BTRC: variants seen among roughly 807,000 people sequenced by gnomAD.
BTRC encodes the protein beta-transducin repeat containing E3 ubiquitin protein ligase, also known as F-box/WD repeat-containing protein 1A.
Under a neutral mutation model 85.5 loss-of-function variants are expected in BTRC, and 42 were observed. The observed-to-expected ratio is 0.49, with a 90% CI of 0.38 to 0.64. The LOEUF is 0.64. Among genes scored for constraint, BTRC ranks in the 30% least tolerant of loss-of-function variants. The pLI is 0.00. For synonymous variants in BTRC, 255 were observed against 263.3 expected, an observed-to-expected ratio of 0.97 and a Z score of 0.30; for missense variants, 594 against 743.5, an observed-to-expected ratio of 0.80 and a Z score of 2.34.
At chr10:101,433,947 T>G (rs1206604109) in intron 2 of BTRC, among the ~76,000 whole-genome samples, 1 of 151,984 alleles carries the variant, frequency 6.6e-6, no homozygotes, top group Admixed American at 6.6e-5. Context: ...ATATTTGTAA[T>G]AGGAATTAAG....
At chr10:101,507,261 G>A (rs988615479) in intron 4 of BTRC, among the ~76,000 whole-genome samples, 1 of 152,054 alleles carries the variant, frequency 6.6e-6, no homozygotes, top group Non-Finnish European at 1.5e-5. Context: ...ATAAGCTGTC[G>A]GTTGATTTTT....
chr10:101,397,295 C>T (rs1436699605), intron 1 of BTRC, among the ~76,000 whole-genome samples: 1 of 152,142 alleles, frequency 6.6e-6, no homozygotes, highest in Admixed American at 6.5e-5. Flanking sequence ...ATGAAAACAG[C>T]CCAGATAAGC....
At chr10:101,367,460 A>T (rs1942501719) in intron 1 of BTRC, among the ~76,000 whole-genome samples, 2 of 152,282 alleles carry the variant, frequency 1.3e-5, no homozygotes, top group South Asian at 4.1e-4. Flanking sequence ...ATATACAAAT[A>T]GTTACATATT....
chr10:101,549,638 C>T (rs559485045), intron 13 of BTRC, among the ~76,000 whole-genome samples: 3 of 139,168 alleles, frequency 2.2e-5, no homozygotes, highest in Admixed American at 7.9e-5. Flanking sequence ...GGCGTGAACC[C>T]GGGAGGCAGA....
At chr10:101,473,286 A>G (rs1295931768) in intron 3 of BTRC, among the ~76,000 whole-genome samples, 1 of 149,218 alleles carries the variant, frequency 6.7e-6, no homozygotes, top group Admixed American at 6.7e-5. Flanking sequence ...CTCTCCAGTA[A>G]ATTTTTTGAT....
intron 1 of BTRC, among the ~76,000 whole-genome samples, chr10:101,409,647 A>G (rs1430583460): frequency 1.3e-5 from 2 of 152,198 alleles, no homozygotes. Context: ...TTGTTACACA[A>G]TAGGGAGTAT....
intron 1 of BTRC, among the ~76,000 whole-genome samples, chr10:101,373,038 T>C (rs1942684512): frequency 1.3e-5 from 2 of 152,178 alleles, no homozygotes; most frequent in Admixed American, 1.3e-4. Flanking sequence ...TTTCTCTGTT[T>C]AGAGGTCTTT....
chr10:101,527,761 G>GTCTCTC (rs5787436), intron 6 of BTRC, among the ~76,000 whole-genome samples: 2 of 142,402 alleles, frequency 1.4e-5, no homozygotes, highest in Non-Finnish European at 3.1e-5. Flanking sequence ...CTCTTTCTCT[G>GTCTCTC]TCTCTCTCTC....
chr10:101,398,363 C>T (rs1589421368), intron 1 of BTRC, among the ~76,000 whole-genome samples: 1 of 151,748 alleles, frequency 6.6e-6, no homozygotes, highest in Non-Finnish European at 1.5e-5. Context: ...AGTACAGTGG[C>T]GCGATCTCAG....
At chr10:101,361,417 A>C (rs1414281688) in intron 1 of BTRC, among the ~76,000 whole-genome samples, 1 of 152,232 alleles carries the variant, frequency 6.6e-6, no homozygotes, top group Non-Finnish European at 1.5e-5. Flanking sequence ...GCAATATTTT[A>C]ATATAGCACA....
intron 4 of BTRC, among the ~76,000 whole-genome samples, chr10:101,506,721 G>T (rs759702682): frequency 9.2e-5 from 14 of 152,206 alleles, no homozygotes; most frequent in Non-Finnish European, 1.6e-4. Flanking sequence ...CCCTAGGTAT[G>T]CAAGGTGGAT....
intron 4 of BTRC, among the ~76,000 whole-genome samples, chr10:101,519,268 T>G (rs2062067979): frequency 1.3e-5 from 2 of 151,776 alleles, no homozygotes; most frequent in African/African-American, 4.8e-5. Flanking sequence ...TTAGTAGAGA[T>G]AGGGTTTCAC....
intron 1 of BTRC, among the ~76,000 whole-genome samples, chr10:101,368,064 C>G (rs1185899010): frequency 6.6e-6 from 1 of 152,148 alleles, no homozygotes; most frequent in East Asian, 1.9e-4. Context: ...AATTTGATCT[C>G]CAGTGTTGGA....
Position 101,536,546 on chromosome 10 carries a change from A to G in BTRC, c.1470A>G (p.Leu490=), listed in dbSNP as rs528914808. Residue 490 remains leucine, a synonymous_variant, in exon 12 of 15, where the codon TTA becomes TTG. Coordinates refer to ENST00000370187, the MANE Select transcript of BTRC (RefSeq NM_033637.4). ...CTGACTTAATTTTCTCTTCCAGATT[A>G]TGGGACATAGAATGTGGTGCATGTT... ...VSGSSDNTIR[L]WDIECGACLR... 1.2e-6 allele frequency: 2 copies of G among 1,610,730 alleles called. No homozygotes were observed. Among genetic ancestry groups the G allele is most frequent in the East Asian group, 4.5e-5 (2 of 44,828 alleles).
chr10:101,496,905 A>G (rs1946276293), intron 4 of BTRC, among the ~76,000 whole-genome samples: 1 of 152,108 alleles, frequency 6.6e-6, no homozygotes, highest in Non-Finnish European at 1.5e-5. Context: ...TCACTTTTTA[A>G]ATGATGTCTG....
intron 13 of BTRC, among the ~76,000 whole-genome samples, chr10:101,543,970 C>T (rs982648206): frequency 6.6e-6 from 1 of 152,142 alleles, no homozygotes; most frequent in South Asian, 2.1e-4. Flanking sequence ...AGTGCACTGG[C>T]GTGATCTTGG....
At chr10:101,522,564 G>A (rs188554929) in intron 5 of BTRC, among the ~76,000 whole-genome samples, 1 of 151,326 alleles carries the variant, frequency 6.6e-6, no homozygotes, top group Admixed American at 6.6e-5. Flanking sequence ...GGGACTACAG[G>A]CACCTACCAC....
At chr10:101,385,218 T>A (rs549120721) in intron 1 of BTRC, among the ~76,000 whole-genome samples, 1 of 131,672 alleles carries the variant, frequency 7.6e-6, no homozygotes, top group African/African-American at 2.6e-5. Flanking sequence ...AAAAAAAAAA[T>A]TAGCCGGGCG....
In BTRC at chr10:101,550,865, C is replaced by G. The variant is rs1589634764; in HGVS notation, c.*5C>G. ...TACACCTACATCTCCAGATAAATAA[C>G]CATACACTGACCTCATACTTGCCCA... On this transcript the variant is annotated 3_prime_UTR_variant, in exon 14 of 15. Coordinates refer to ENST00000370187, the MANE Select transcript of BTRC (RefSeq NM_033637.4). The G allele has an allele frequency of 6.2e-7, 1 of 1,610,574 alleles. No homozygotes were observed. Among genetic ancestry groups the G allele is most frequent in the Non-Finnish European group, 8.5e-7 (1 of 1,177,134 alleles).
Sources: gnomAD v4.1 joint callset for allele counts (sites outside exome capture counted in the v4.1 genomes callset) on GRCh38, gnomAD v4.1.1 for gene constraint, MANE v1.5 for transcripts, NCBI Gene and HGNC (gene_info 2026-07-23, HGNC 2026-07-21) for gene names.